The following TMEM44 variants were observed in gnomAD, a reference collection of about 807,000 sequenced individuals.
TMEM44 encodes transmembrane protein 44.
In TMEM44, 43 loss-of-function variants were observed where a neutral mutation model predicts 47.8. The observed-to-expected ratio is 0.90, with a 90% CI of 0.70 to 1.16. TMEM44 has a LOEUF of 1.16. Ranked by LOEUF, TMEM44 falls within the 50% of genes most tolerant of loss-of-function variation. The probability of loss-of-function intolerance (pLI) is 0.00; values close to 1 mark genes in which losing one functional copy is unlikely to be tolerated. For synonymous variants in TMEM44, 277 were observed against 238.8 expected (o/e 1.16, Z -1.48); for missense variants, 568 against 555.2 (o/e 1.02, Z -0.23).
rs1000429423 is a variant in TMEM44, at chr3:194,617,110, G to C, written c.772C>G (p.Leu258Val). ...CCTGGGGTGGATACAGCGAGGTCCA[G>C]TGCCGCACGGCCGAGGGAGGTCAGG... ...WFLTSLGRAA[L>V]DLAIIFLSCV... is the part of the protein sequence containing the mutation. The change falls in exon 6 of 10, where the codon CTG (leucine) becomes GTG (valine). Residue 258 changes from leucine (L) to valine (V), a missense_variant. By Grantham distance (32) the Leu-to-Val change is conservative. Coordinates refer to ENST00000347147, the MANE Select transcript of TMEM44 (RefSeq NM_001011655.3). The C allele has an allele frequency of 1.7e-5, 26 of 1,546,566 alleles. No homozygotes were observed. Among genetic ancestry groups the C allele is most frequent in the Non-Finnish European group, 1.5e-5 (17 of 1,146,044 alleles).
At chr3:194,613,303 G>T (rs187027155) in intron 7 of TMEM44, among the ~76,000 whole-genome samples, 1,613 of 151,852 alleles carry the variant, frequency 0.011, 26 homozygotes, top group African/African-American at 0.036. Flanking sequence ...TCAGCCTCCT[G>T]AGTAGCTGGG....
Position 194,611,564 on chromosome 3 carries a change from G to T in TMEM44, c.913-544C>A, listed in dbSNP as rs1310606314. Among the ~76,000 whole-genome samples, 1 of 152,192 alleles carries T rather than the reference G, an allele frequency of 6.6e-6. No homozygotes were observed. The highest frequency in any genetic ancestry group is 1.5e-5 in the Non-Finnish European group (1 of 68,046). ...ACTTCCAGACATTCTGATTTCATGG[G>T]TATGAGATGTAACCGGGAAGTGGAT... On this transcript the variant is annotated intron_variant, in intron 7 of 9. Coordinates refer to ENST00000347147, the MANE Select transcript of TMEM44 (RefSeq NM_001011655.3). This position sits in a 1 kb window ranked among gnomAD's most constrained non-coding sequence, Gnocchi z 4.2.
Position 194,628,411 on chromosome 3 carries a change from GC to G in TMEM44, c.235del (p.Ala79LeufsTer17). The G allele has an allele frequency of 6.2e-6, 10 of 1,612,396 alleles. No individual in the cohort carries two copies. Among genetic ancestry groups the G allele is most frequent in the Non-Finnish European group, 8.5e-6 (10 of 1,179,238 alleles). ...LLTSLCDTVG[A>X]LLARQLTIQV... ...GATTGTGAGCTGTCTGGCCAGAAGA[GC>G]CCCGACGGTGTCACACAGACTGGTC... On this transcript the variant is annotated frameshift_variant, in exon 2 of 10. Coordinates refer to ENST00000347147, the MANE Select transcript of TMEM44 (RefSeq NM_001011655.3). LOFTEE classifies it high-confidence loss of function.
intron 9 of TMEM44, among the ~76,000 whole-genome samples, chr3:194,599,897 T>C (rs1713878339): frequency 6.6e-6 from 1 of 150,440 alleles, no homozygotes; most frequent in South Asian, 2.1e-4. Context: ...GTAGCTGGGA[T>C]TACAGGCATG....
In TMEM44 at chr3:194,616,058, CTT is replaced by C. The variant is rs1226008321; in HGVS notation, c.784-363_784-362del. ...CAGATCCACCTCTGAATGTGACCCC[CTT>C]TTTTTTTTTGAGACAGAGTCTCGCT... On this transcript the variant is annotated intron_variant, in intron 6 of 9. Coordinates refer to ENST00000347147, the MANE Select transcript of TMEM44 (RefSeq NM_001011655.3). 2.7e-3 allele frequency among the ~76,000 whole-genome samples: 403 copies of C among 147,844 alleles called. 1 individual carries two copies. Among genetic ancestry groups the C allele is most frequent in the African/African-American group, 9.0e-3 (366 of 40,598 alleles).
At position 194,623,723 on chromosome 3, in the gene TMEM44, G is replaced by C. The variant is rs1206280794; in HGVS notation, c.359-28C>G. 4 of 1,613,238 alleles carry C rather than the reference G, an allele frequency of 2.5e-6. No individual in the cohort carries two copies. The South Asian group carries it at 4.4e-5, about 18-fold the overall frequency. ...GCAACAGACACCAAAATCCCACATG[G>C]CTCCTGGAAGCCAGACCTTGTCAGA... On this transcript the variant is annotated intron_variant, in intron 3 of 9. Transcript: ENST00000347147.
At chr3:194,589,473 G>C (rs556493175) in intron 9 of TMEM44, 2 of 152,332 alleles carry the variant, frequency 1.3e-5, no homozygotes, top group East Asian at 3.9e-4. Flanking sequence ...TGTTGTCTCA[G>C]GTAGATGATG....
intron 7 of TMEM44, among the ~76,000 whole-genome samples, chr3:194,612,134 C>CA (rs1491168796): frequency 3.3e-5 from 5 of 152,146 alleles, no homozygotes; most frequent in African/African-American, 9.7e-5. Context: ...CTGCATTTCT[C>CA]ACAGTTTCCC....
chr3:194,605,174 A>G (rs1337338056), intron 8 of TMEM44, among the ~76,000 whole-genome samples: 2 of 152,132 alleles, frequency 1.3e-5, no homozygotes, highest in African/African-American at 4.8e-5. Context: ...CTATTTATGT[A>G]TCTGTCTATC....
chr3:194,610,953 CTGAT>C lies in TMEM44; in HGVS notation c.976_979del (p.Ile326ValfsTer6). 1 of 1,614,038 alleles carries C rather than the reference CTGAT, an allele frequency of 6.2e-7. No homozygotes were observed. Among genetic ancestry groups the C allele is most frequent in the Non-Finnish European group, 8.5e-7 (1 of 1,180,008 alleles). Reference sequence around the variant, plus strand: ...CTCGATGGTCAGCTCCATGTAGCGACTGATTGCTGTCATTGTCCTCAGTGACTTG... The same window carrying C: ...CTCGATGGTCAGCTCCATGTAGCGACTGCTGTCATTGTCCTCAGTGACTTG... On this transcript the variant is annotated frameshift_variant, in exon 8 of 10. Coordinates refer to ENST00000347147, the MANE Select transcript of TMEM44 (RefSeq NM_001011655.3). LOFTEE classifies it high-confidence loss of function.
chr3:194,604,922 C>T (rs1283248054), intron 8 of TMEM44, among the ~76,000 whole-genome samples: 1 of 152,212 alleles, frequency 6.6e-6, no homozygotes, highest in African/African-American at 2.4e-5. Context: ...TCCAAGATTT[C>T]AGAGTAAAGG....
intron 3 of TMEM44, among the ~76,000 whole-genome samples, chr3:194,624,476 T>A (rs1020626445): frequency 2.6e-5 from 4 of 152,008 alleles, no homozygotes; most frequent in African/African-American, 9.7e-5. Context: ...TGGAGTGCAG[T>A]GGCACAATCA....
intron 8 of TMEM44, among the ~76,000 whole-genome samples, chr3:194,610,675 T>C (rs1156577144): frequency 6.6e-6 from 1 of 152,174 alleles, no homozygotes; most frequent in Admixed American, 6.5e-5. Flanking sequence ...TCTTTGTACA[T>C]TTAAAGCTGT....
Position 194,617,054 on chromosome 3 carries a change from T to A in TMEM44, c.783+45A>T, listed in dbSNP as rs976555388. 1.2e-5 allele frequency: 17 copies of A among 1,444,388 alleles called. No individual in the cohort carries two copies. The African/African-American group carries it at 2.3e-4, about 20-fold the overall frequency. The allele number at this position is 1,444,388 out of a possible 1,614,324, so 89.5% of individuals were successfully genotyped here. On this transcript the variant is annotated intron_variant, in intron 6 of 9. Coordinates refer to ENST00000347147, the MANE Select transcript of TMEM44 (RefSeq NM_001011655.3). ...GCAGTGAGAGGACGAGACACAGGCCTCCTCTGGCTGCAAGCAGGGAGCTCC... is the reference window on the plus strand; with the variant it reads ...GCAGTGAGAGGACGAGACACAGGCCACCTCTGGCTGCAAGCAGGGAGCTCC...
chr3:194,594,195 C>T (rs1713133326), intron 9 of TMEM44, among the ~76,000 whole-genome samples: 1 of 122,256 alleles, frequency 8.2e-6, no homozygotes, highest in South Asian at 2.5e-4. Flanking sequence ...GATGGAGTTT[C>T]ACTCTTGTCA....
rs371892939 is a variant in TMEM44, at chr3:194,619,814, A to G, written c.613-2545T>C. 1.1e-4 allele frequency among the ~76,000 whole-genome samples: 17 copies of G among 152,240 alleles called. No homozygotes were observed. The South Asian group carries it at 3.5e-3, about 32-fold the overall frequency. On this transcript the variant is annotated intron_variant, in intron 5 of 9. Coordinates refer to ENST00000347147, the MANE Select transcript of TMEM44 (RefSeq NM_001011655.3). ...CAGCAGCAGCTCCTTCCCTAGAAATACGGCATGTTTCCTTTCCTGAGTCCC... is the reference window on the plus strand; with the variant it reads ...CAGCAGCAGCTCCTTCCCTAGAAATGCGGCATGTTTCCTTTCCTGAGTCCC...
At chr3:194,617,860 A>T (rs950294796) in intron 5 of TMEM44, 7 of 645,086 alleles carry the variant, frequency 1.1e-5, no homozygotes, top group Middle Eastern at 8.0e-4. Context: ...CACGACAGTG[A>T]GTGAGTTCTC....
In TMEM44 at chr3:194,623,517, G is replaced by A; in HGVS notation, c.525+12C>T. The stretch of plus-strand genomic sequence containing the variant: ...AGTACCCCGAGTCCTCCCCACGGTG[G>A]CCCAGCCTCACCTGCAGCAGGCTCG... On this transcript the variant is annotated intron_variant, in intron 4 of 9. Transcript: ENST00000347147. 5 of 1,573,708 alleles carry A rather than the reference G, an allele frequency of 3.2e-6. No individual in the cohort carries two copies. The highest frequency in any genetic ancestry group is 2.3e-5 in the South Asian group (2 of 85,408).
At chr3:194,602,424 A>G (rs1168340272) in intron 9 of TMEM44, among the ~76,000 whole-genome samples, 2 of 152,150 alleles carry the variant, frequency 1.3e-5, no homozygotes, top group African/African-American at 4.8e-5. Context: ...CAACATGGTG[A>G]AACCTCATCT....
Sources: allele counts gnomAD v4.1 joint callset (sites outside exome capture counted in the v4.1 genomes callset), GRCh38; gene constraint gnomAD v4.1.1; non-coding constraint Gnocchi (gnomAD v3.1); transcripts MANE v1.5; gene names NCBI Gene and HGNC (gene_info 2026-07-23, HGNC 2026-07-21).